FHIT: variants seen among roughly 807,000 people sequenced by gnomAD.
FHIT encodes the protein fragile histidine triad diadenosine triphosphatase.
FHIT carries 19 observed loss-of-function variants against 17.9 expected under a neutral mutation model. The ratio of observed to expected loss-of-function variants is 1.06; its 90% CI spans 0.74 to 1.56. FHIT has a LOEUF of 1.56. Ranked by LOEUF, FHIT falls within the 40% of genes most tolerant of loss-of-function variation. FHIT has a pLI of 0.00. For missense variants in FHIT, 248 were observed against 189.2 expected (o/e 1.31, Z -1.82); for synonymous variants, 81 against 69.7 (o/e 1.16, Z -0.81).
intron 7 of FHIT, among the ~76,000 whole-genome samples, chr3:59,927,513 A>T (rs978478531): frequency 6.6e-6 from 1 of 151,376 alleles, no homozygotes; most frequent in African/African-American, 2.4e-5. Context: ...CACGCCTGTA[A>T]TCCCAGCACT....
At chr3:60,925,025 A>C (rs1320897260) in intron 3 of FHIT, among the ~76,000 whole-genome samples, 1 of 152,198 alleles carries the variant, frequency 6.6e-6, no homozygotes, top group Non-Finnish European at 1.5e-5. Context: ...AATAAAAAGA[A>C]ATGAACAAAG....
At chr3:61,104,505 T>C (rs868053976) in intron 2 of FHIT, among the ~76,000 whole-genome samples, 7 of 152,190 alleles carry the variant, frequency 4.6e-5, no homozygotes, top group South Asian at 4.1e-4. Flanking sequence ...TAACATTTTT[T>C]CTGTCATTTC....
intron 4 of FHIT, among the ~76,000 whole-genome samples, chr3:60,684,331 T>C (rs1027073911): frequency 2.0e-5 from 3 of 152,130 alleles, no homozygotes; most frequent in Non-Finnish European, 2.9e-5. Flanking sequence ...AGGACCATTT[T>C]TTTTGCAAAC....
Position 60,986,873 on chromosome 3 carries a change from T to A in FHIT, c.-111+55174A>T, listed in dbSNP as rs11718033. ...TCTTACCATTCTTGTCTTGTCCATT[T>A]AAAAAATATCTCCCATAGTGCTTTA... On this transcript the variant is annotated intron_variant, in intron 3 of 9. Coordinates refer to ENST00000492590, the MANE Select transcript of FHIT (RefSeq NM_002012.4). Among the ~76,000 whole-genome samples the A allele has an allele frequency of 9.7e-3, 1,476 of 152,304 alleles. 12 individuals are homozygous for A. Among genetic ancestry groups the A allele is most frequent in the Non-Finnish European group, 0.017 (1,176 of 68,016 alleles).
intron 5 of FHIT, among the ~76,000 whole-genome samples, chr3:60,071,691 G>T (rs1397263944): frequency 1.3e-5 from 2 of 152,126 alleles, no homozygotes; most frequent in African/African-American, 2.4e-5. Context: ...TAAGGCTGGG[G>T]CTCCCCGAAG....
intron 1 of FHIT, among the ~76,000 whole-genome samples, chr3:61,212,534 C>T (rs1047359720): frequency 1.3e-5 from 2 of 152,164 alleles, no homozygotes; most frequent in Non-Finnish European, 2.9e-5. Context: ...GATTGGTGTA[C>T]CTGAAAGTGA....
At chr3:60,163,692 G>A (rs1369635725) in intron 5 of FHIT, among the ~76,000 whole-genome samples, 1 of 152,088 alleles carries the variant, frequency 6.6e-6, no homozygotes, top group Non-Finnish European at 1.5e-5. Flanking sequence ...TCACATTTGG[G>A]GCCGGGTGAT....
intron 4 of FHIT, among the ~76,000 whole-genome samples, chr3:60,657,028 C>T (rs1553689760): frequency 6.6e-6 from 1 of 151,362 alleles, no homozygotes; most frequent in Non-Finnish European, 1.5e-5. Context: ...ATACTTTAGA[C>T]AAATTCAAAC....
Position 61,206,963 on chromosome 3 carries a change from G to C in FHIT, c.-212-6298C>G, listed in dbSNP as rs900604979. On this transcript the variant is annotated intron_variant, in intron 1 of 9. Coordinates refer to ENST00000492590, the MANE Select transcript of FHIT (RefSeq NM_002012.4). ...TGATATTGGCTGTGGGTTTGTCATA[G>C]ATAGCTCTTATTATTTTGAGATATG... Among the ~76,000 whole-genome samples the C allele has an allele frequency of 1.8e-4, 28 of 152,246 alleles. No homozygotes were observed. The East Asian group carries it at 2.7e-3, about 15-fold the overall frequency.
At chr3:60,291,621 T>G (rs1707988574) in intron 5 of FHIT, among the ~76,000 whole-genome samples, 1 of 152,152 alleles carries the variant, frequency 6.6e-6, no homozygotes, top group African/African-American at 2.4e-5. Flanking sequence ...AAAAATAATT[T>G]CTTGGGATGC....
At chr3:60,483,007 A>G (rs538894772) in intron 5 of FHIT, among the ~76,000 whole-genome samples, 2 of 152,304 alleles carry the variant, frequency 1.3e-5, no homozygotes, top group African/African-American at 4.8e-5. Context: ...ATCACCACTG[A>G]CACCACAGAA....
intron 5 of FHIT, among the ~76,000 whole-genome samples, chr3:60,318,611 C>T (rs909808180): frequency 6.6e-6 from 1 of 152,162 alleles, no homozygotes; most frequent in Non-Finnish European, 1.5e-5. Flanking sequence ...ACATCCTGAT[C>T]ATGTGATGTG....
intron 5 of FHIT, among the ~76,000 whole-genome samples, chr3:60,250,072 G>A (rs537340988): frequency 2.6e-5 from 4 of 152,124 alleles, no homozygotes; most frequent in Non-Finnish European, 5.9e-5. Context: ...TTCAAGGTGA[G>A]ATCTGGGTAG....
chr3:60,889,262 C>T (rs184734965), intron 3 of FHIT, among the ~76,000 whole-genome samples: 5 of 152,148 alleles, frequency 3.3e-5, no homozygotes, highest in Non-Finnish European at 5.9e-5. Context: ...AACAGGGGAA[C>T]GACACGGCAG....
intron 5 of FHIT, among the ~76,000 whole-genome samples, chr3:60,476,756 C>T (rs1042956544): frequency 3.9e-5 from 6 of 151,950 alleles, no homozygotes; most frequent in African/African-American, 7.3e-5. Context: ...ATTTATAAGG[C>T]GCAGAACGGG....
intron 3 of FHIT, among the ~76,000 whole-genome samples, chr3:60,967,356 A>G (rs2107519112): frequency 6.6e-6 from 1 of 152,338 alleles, no homozygotes. Flanking sequence ...AATGTGAAAT[A>G]ACAAGCATTG....
Position 61,177,191 on chromosome 3 carries a change from G to A in FHIT, c.-164+23426C>T, listed in dbSNP as rs13323578. ...GACTCCATCTCAAAAAAAAAAAAAA[G>A]AAAAAGAAAGAGAACCAAATCATTT... On this transcript the variant is annotated intron_variant, in intron 2 of 9. Transcript: ENST00000492590. 2.0e-3 allele frequency among the ~76,000 whole-genome samples: 93 copies of A among 46,050 alleles called. No individual in the cohort carries two copies. In the East Asian group the frequency reaches 0.024, roughly 12 times the overall value. The allele number at this position is 46,050 out of a possible 152,430, so 30.2% of individuals were successfully genotyped here.
At chr3:61,228,963 G>A (rs945015575) in intron 1 of FHIT, among the ~76,000 whole-genome samples, 1 of 152,090 alleles carries the variant, frequency 6.6e-6, no homozygotes, top group South Asian at 2.1e-4. Flanking sequence ...CTTACCATGC[G>A]GAAGGGAAAA....
At chr3:60,132,090 A>T (rs1160462506) in intron 5 of FHIT, among the ~76,000 whole-genome samples, 1 of 152,022 alleles carries the variant, frequency 6.6e-6, no homozygotes, top group African/African-American at 2.4e-5. Context: ...TCGGACCTTC[A>T]CATCTTTCAG....
Sources: gnomAD v4.1 joint callset for allele counts (sites outside exome capture counted in the v4.1 genomes callset) on GRCh38, gnomAD v4.1.1 for gene constraint, MANE v1.5 for transcripts, NCBI Gene and HGNC (gene_info 2026-07-23, HGNC 2026-07-21) for gene names.